The following ZMYND11 variants were observed in gnomAD, a reference collection of about 807,000 sequenced individuals.
ZMYND11 encodes zinc finger MYND domain-containing protein 11.
A neutral mutation model predicts 84.9 loss-of-function variants in ZMYND11; 9 were observed. The observed-to-expected ratio is 0.11, with a 90% CI of 0.06 to 0.18. ZMYND11 has a LOEUF of 0.18. ZMYND11 is among the 10% of genes least tolerant of loss of function. The pLI is 1.00. For synonymous variants in ZMYND11, 250 were observed against 244.1 expected, an observed-to-expected ratio of 1.02 and a Z score of -0.23; for missense variants, 409 against 761.0, an observed-to-expected ratio of 0.54 and a Z score of 5.44.
At chr10:134,162 G>T (rs1835421821), upstream of ZMYND11, among the ~76,000 whole-genome samples, 1 of 152,028 alleles carries the variant, frequency 6.6e-6, no homozygotes, top group Non-Finnish European at 1.5e-5. Flanking sequence ...GTTTAATTTA[G>T]AAGTCAGGCA....
chr10:241,330 A>C (rs1158065421), intron 9 of ZMYND11, among the ~76,000 whole-genome samples: 1 of 152,058 alleles, frequency 6.6e-6, no homozygotes, highest in African/African-American at 2.4e-5. Flanking sequence ...GGCACACGCC[A>C]CCACACCTGG....
Position 242,026 on chromosome 10 carries a change from T to C in ZMYND11, c.837T>C (p.Pro279=), listed in dbSNP as rs768561996. Residue 279 remains proline (P), a synonymous_variant, in exon 10 of 15, where the codon CCT becomes CCC. Coordinates refer to ENST00000381604, the MANE Select transcript of ZMYND11 (RefSeq NM_001370100.5). ...PDNWFCYPCI[P]NHELVWAKMK... ...GTAAAACATTTAATTTCCAGATACC[T>C]AATCATGAGCTGGTTTGGGCTAAAA... is the stretch of plus-strand genomic sequence containing the variant. 1.2e-6 allele frequency: 2 copies of C among 1,614,092 alleles called. No homozygotes were observed. The highest frequency in any genetic ancestry group is 4.5e-5 in the East Asian group (2 of 44,876).
At chr10:149,536 T>A (rs1158385332) in intron 1 of ZMYND11, among the ~76,000 whole-genome samples, 6 of 152,000 alleles carry the variant, frequency 3.9e-5, no homozygotes, top group African/African-American at 1.4e-4. Flanking sequence ...GGTCTCGATC[T>A]CCTGACCTCG....
chr10:158,381 CTAT>C (rs1268844942), intron 1 of ZMYND11, among the ~76,000 whole-genome samples: 3 of 146,620 alleles, frequency 2.0e-5, no homozygotes, highest in Non-Finnish European at 4.6e-5. Flanking sequence ...GTACCAGTTT[CTAT>C]TATTCTATTA....
At chr10:194,802 T>C (rs957259503) in intron 2 of ZMYND11, among the ~76,000 whole-genome samples, 24 of 152,208 alleles carry the variant, frequency 1.6e-4, no homozygotes, top group African/African-American at 5.5e-4. Flanking sequence ...ATATTCCAGA[T>C]ACAAGGTCGC....
Position 221,302 on chromosome 10 carries a change from T to G in ZMYND11, c.384T>G (p.Ser128=). 1 of 1,614,060 alleles carries G rather than the reference T, an allele frequency of 6.2e-7. No individual in the cohort carries two copies. Among genetic ancestry groups the G allele is most frequent in the Non-Finnish European group, 8.5e-7 (1 of 1,179,920 alleles). Residue 128 remains serine, a synonymous_variant, in exon 4 of 15, where the codon TCT becomes TCG. Transcript: ENST00000381604. Reference sequence around the variant, plus strand: ...GTGTGTATCATTCCAAGTGTTTGTCTGATGAGTTCAGGCTTAGAGACAGCA... The same window carrying G: ...GTGTGTATCATTCCAAGTGTTTGTCGGATGAGTTCAGGCTTAGAGACAGCA... ...CFRVYHSKCL[S]DEFRLRDSSS... is the part of the protein sequence containing the mutation.
At chr10:165,541 G>C (rs988364250) in intron 1 of ZMYND11, among the ~76,000 whole-genome samples, 1 of 152,058 alleles carries the variant, frequency 6.6e-6, no homozygotes, top group African/African-American at 2.4e-5. Flanking sequence ...TCAGCACACA[G>C]ATACATATAC....
chr10:212,553 T>C (rs184516371), intron 3 of ZMYND11, among the ~76,000 whole-genome samples: 187 of 151,804 alleles, frequency 1.2e-3, no homozygotes, highest in Non-Finnish European at 1.3e-3. Context: ...TCAGATCCAA[T>C]TCAAGCCTTT....
intron 1 of ZMYND11, among the ~76,000 whole-genome samples, chr10:166,924 A>G (rs1844140895): frequency 6.6e-6 from 1 of 152,196 alleles, no homozygotes; most frequent in Non-Finnish European, 1.5e-5. Context: ...ATAAGAAGAA[A>G]TAAAGTACTG....
At position 239,908 on chromosome 10, in the gene ZMYND11, A is replaced by G. The variant is rs1950590468; in HGVS notation, c.698-148A>G. 8.2e-6 allele frequency: 5 copies of G among 606,646 alleles called. No homozygotes were observed. The East Asian group carries it at 1.5e-4, about 18-fold the overall frequency. The allele number at this position is 606,646 out of a possible 1,614,324, so 37.6% of individuals were successfully genotyped here. A position where few individuals can be genotyped will look rare whatever the true frequency, so the allele number is the denominator to read the frequency against. ...GATGGAAAACAAAAGCTGCCTGTGT[A>G]ATTTTATTTTGCTATCGTTATTTTA... On this transcript the variant is annotated intron_variant, in intron 7 of 14. Transcript: ENST00000381604.
Position 180,147 on chromosome 10 carries a change from A to C in ZMYND11, c.116+19A>C. 2 of 1,587,504 alleles carry C rather than the reference A, an allele frequency of 1.3e-6. No homozygotes were observed. Among genetic ancestry groups the C allele is most frequent in the Non-Finnish European group, 1.7e-6 (2 of 1,159,460 alleles). On this transcript the variant is annotated intron_variant, in intron 2 of 14. Transcript: ENST00000381604. The stretch of plus-strand genomic sequence containing the variant: ...TTACAAAGTAAGTAAATTTAAACAC[A>C]AATATCTCTGTAAAATGTCGTAGAA...
chr10:204,150 T>C (rs1463468236), intron 2 of ZMYND11, among the ~76,000 whole-genome samples: 1 of 152,160 alleles, frequency 6.6e-6, no homozygotes, highest in Non-Finnish European at 1.5e-5. Flanking sequence ...TATCTATAAT[T>C]TATAGATACA....
chr10:242,908 T>C (rs1355654405), intron 10 of ZMYND11, among the ~76,000 whole-genome samples: 1 of 152,202 alleles, frequency 6.6e-6, no homozygotes, highest in Non-Finnish European at 1.5e-5. Context: ...CATAGGTAGA[T>C]ACACACTTAC....
intron 1 of ZMYND11, among the ~76,000 whole-genome samples, chr10:141,804 G>C (rs1272798786): frequency 6.6e-6 from 1 of 152,070 alleles, no homozygotes; most frequent in Non-Finnish European, 1.5e-5. Flanking sequence ...TTAAAATATA[G>C]GTTAAGAGCA....
intron 1 of ZMYND11, among the ~76,000 whole-genome samples, chr10:179,118 T>C (rs752296513): frequency 1.3e-5 from 2 of 152,192 alleles, no homozygotes; most frequent in Non-Finnish European, 2.9e-5. Context: ...GAGAGATGTT[T>C]CAGTGCGTCC....
intron 9 of ZMYND11, 76 bp from the exon 10 acceptor site, chr10:241,945 C>G: frequency 6.7e-7 from 1 of 1,497,618 alleles, no homozygotes; most frequent in Non-Finnish European, 9.2e-7. Flanking sequence ...TTATATGTGA[C>G]TAGTTTAATA....
At chr10:178,398 G>A (rs888719896) in intron 1 of ZMYND11, among the ~76,000 whole-genome samples, 1 of 152,146 alleles carries the variant, frequency 6.6e-6, no homozygotes, top group African/African-American at 2.4e-5. Context: ...ACAGGATTGA[G>A]TTGTATTATT....
chr10:196,059 G>A (rs142609877), intron 2 of ZMYND11, among the ~76,000 whole-genome samples: 1 of 152,208 alleles, frequency 6.6e-6, no homozygotes, highest in African/African-American at 2.4e-5. Flanking sequence ...ATCACAGTCA[G>A]GTCTATTGAT....
chr10:168,606 C>T (rs570544796), intron 1 of ZMYND11, among the ~76,000 whole-genome samples: 16 of 152,170 alleles, frequency 1.1e-4, no homozygotes, highest in African/African-American at 3.9e-4. Context: ...TGGTTTACAG[C>T]CTGGCATGTA....
Sources: allele counts gnomAD v4.1 joint callset (sites outside exome capture counted in the v4.1 genomes callset), GRCh38; gene constraint gnomAD v4.1.1; transcripts MANE v1.5; gene names NCBI Gene and HGNC (gene_info 2026-07-23, HGNC 2026-07-21).